Variants in ENOPH1 observed in about 807,000 individuals in gnomAD.
ENOPH1 encodes the protein enolase-phosphatase E1.
Under a neutral mutation model 31.1 loss-of-function variants are expected in ENOPH1, and 14 were observed. The observed-to-expected ratio is 0.45, with a 90% CI of 0.30 to 0.70. The LOEUF is 0.70. Ranked by LOEUF, ENOPH1 falls within the 30% of genes least tolerant of loss-of-function variation. The pLI, the probability that ENOPH1 is intolerant of heterozygous loss-of-function variation, is 0.09. For synonymous variants in ENOPH1, 127 were observed against 123.2 expected (o/e 1.03, Z -0.21); for missense variants, 243 against 321.5 (o/e 0.76, Z 1.87).
Position 82,430,849 on chromosome 4 carries a change from C to A in ENOPH1, c.20C>A (p.Pro7His). The change falls in exon 1 of 6, where the codon CCC becomes CAC. Residue 7 changes from proline to histidine, a missense_variant. Physicochemically the swap from Pro to His is moderately conservative, Grantham distance 77. Transcript: ENST00000273920. ...AGGGAAATGGTCGTGCTTTCGGTCCCCGCCGAAGTCACCGTGATCCTGTTA... is the reference window on the plus strand; with the variant it reads ...AGGGAAATGGTCGTGCTTTCGGTCCACGCCGAAGTCACCGTGATCCTGTTA... MVVLSV[P>H]AEVTVILLDI... 1 of 1,614,190 alleles carries A rather than the reference C, an allele frequency of 6.2e-7. No homozygotes were observed. The highest frequency in any genetic ancestry group is 8.5e-7 in the Non-Finnish European group (1 of 1,180,004).
At chr4:82,446,282 G>A (rs1409491736) in intron 1 of ENOPH1, among the ~76,000 whole-genome samples, 1 of 152,078 alleles carries the variant, frequency 6.6e-6, no homozygotes, top group African/African-American at 2.4e-5. Context: ...GCCGGGTGTG[G>A]TGGCAGGTGC....
At chr4:82,446,390 C>A (rs1422561011) in intron 1 of ENOPH1, among the ~76,000 whole-genome samples, 1 of 151,370 alleles carries the variant, frequency 6.6e-6, no homozygotes, top group Non-Finnish European at 1.5e-5. Context: ...CCACTGCACT[C>A]CAGCCTGGGC....
At chr4:82,435,168 CA>C (rs1234671634) in intron 1 of ENOPH1, among the ~76,000 whole-genome samples, 1 of 152,188 alleles carries the variant, frequency 6.6e-6, no homozygotes, top group Non-Finnish European at 1.5e-5. Flanking sequence ...GTGGCACGAT[CA>C]CAGCTCACCG....
intron 5 of ENOPH1, 106 bp from the exon 6 acceptor site, chr4:82,459,875 C>T: frequency 7.7e-7 from 1 of 1,298,712 alleles, no homozygotes; most frequent in African/African-American, 1.5e-5. Flanking sequence ...AAATCAGGGC[C>T]AAATTCATTT....
intron 2 of ENOPH1, among the ~76,000 whole-genome samples, chr4:82,450,525 C>T (rs1252380807): frequency 6.6e-6 from 1 of 152,176 alleles, no homozygotes; most frequent in Non-Finnish European, 1.5e-5. Flanking sequence ...AATTGGACTG[C>T]TTTGTCACAA....
chr4:82,457,128 T>C, intron 5 of ENOPH1, 90 bp downstream of exon 5: 1 of 1,183,000 alleles, frequency 8.5e-7, no homozygotes, highest in South Asian at 1.9e-5. Flanking sequence ...AAACTTTATA[T>C]GGGGATCCTT....
intron 1 of ENOPH1, among the ~76,000 whole-genome samples, chr4:82,441,987 A>C (rs1722053743): frequency 6.6e-6 from 1 of 152,210 alleles, no homozygotes; most frequent in African/African-American, 2.4e-5. Flanking sequence ...CTCAGCACAA[A>C]TGTGGTCTTT....
chr4:82,456,215 C>T (rs1722488499), intron 4 of ENOPH1, among the ~76,000 whole-genome samples: 1 of 138,982 alleles, frequency 7.2e-6, no homozygotes, highest in Non-Finnish European at 1.5e-5. Context: ...CTTAAAATTA[C>T]TTTTTTTTTT....
At chr4:82,431,707 G>T (rs975651991) in intron 1 of ENOPH1, among the ~76,000 whole-genome samples, 2 of 152,056 alleles carry the variant, frequency 1.3e-5, no homozygotes, top group Non-Finnish European at 2.9e-5. Flanking sequence ...GAATTCCTCG[G>T]GCCTTGTCTT....
At chr4:82,448,986 A>T (rs967989812) in intron 2 of ENOPH1, among the ~76,000 whole-genome samples, 1 of 138,032 alleles carries the variant, frequency 7.2e-6, no homozygotes, top group Admixed American at 8.0e-5. Flanking sequence ...TGAACCCGGG[A>T]GGCGGAGCTT....
At chr4:82,441,319 C>A (rs1722033122) in intron 1 of ENOPH1, among the ~76,000 whole-genome samples, 1 of 152,080 alleles carries the variant, frequency 6.6e-6, no homozygotes, top group South Asian at 2.1e-4. Context: ...CAAGGGAGCT[C>A]CCCTTTATAA....
chr4:82,453,307 G>A (rs1430399812), intron 3 of ENOPH1, among the ~76,000 whole-genome samples: 1 of 152,150 alleles, frequency 6.6e-6, no homozygotes, highest in Non-Finnish European at 1.5e-5. Flanking sequence ...ATGAGATGTT[G>A]TTTCTTTATT....
intron 3 of ENOPH1, among the ~76,000 whole-genome samples, chr4:82,451,806 A>G (rs2110045392): frequency 6.6e-6 from 1 of 152,270 alleles, no homozygotes; most frequent in East Asian, 1.9e-4. Context: ...TGATTGATTC[A>G]GACAGGGTCC....
chr4:82,440,647 T>G (rs1291671796), intron 1 of ENOPH1, among the ~76,000 whole-genome samples: 1 of 152,228 alleles, frequency 6.6e-6, no homozygotes, highest in Non-Finnish European at 1.5e-5. Context: ...TCTGTTTCTT[T>G]TGTGCTGCTT....
At chr4:82,438,196 T>A (rs1721956198) in intron 1 of ENOPH1, among the ~76,000 whole-genome samples, 1 of 152,202 alleles carries the variant, frequency 6.6e-6, no homozygotes, top group Non-Finnish European at 1.5e-5. Flanking sequence ...GCCCTGATTA[T>A]AAAATTGCAG....
chr4:82,446,830 C>G (rs1374683490), intron 1 of ENOPH1, among the ~76,000 whole-genome samples: 1 of 150,104 alleles, frequency 6.7e-6, no homozygotes, highest in African/African-American at 2.5e-5. Context: ...CCTCAGCCTC[C>G]CGAGTAGCTG....
intron 1 of ENOPH1, 104 bp downstream of exon 1, chr4:82,431,017 G>C: frequency 1.1e-6 from 1 of 918,330 alleles, no homozygotes; most frequent in Non-Finnish European, 1.6e-6. Flanking sequence ...TAGGAGAGGC[G>C]GTGTGGCTGC....
At chr4:82,459,890 C>A in intron 5 of ENOPH1, 91 bp from the exon 6 acceptor site, 2 of 1,428,956 alleles carry the variant, frequency 1.4e-6, no homozygotes, top group Non-Finnish European at 1.9e-6. Flanking sequence ...TCATTTCTTC[C>A]ATCCCCACAT....
chr4:82,459,272 A>G (rs1722579178), intron 5 of ENOPH1, among the ~76,000 whole-genome samples: 1 of 151,854 alleles, frequency 6.6e-6, no homozygotes, highest in African/African-American at 2.4e-5. Context: ...ATAGGATTCC[A>G]TTTGTCCCAT....
Sources: allele counts gnomAD v4.1 joint callset (sites outside exome capture counted in the v4.1 genomes callset), GRCh38; gene constraint gnomAD v4.1.1; transcripts MANE v1.5; gene names NCBI Gene and HGNC (gene_info 2026-07-23, HGNC 2026-07-21).